Variants in NEDD9 observed in about 807,000 individuals in gnomAD.
NEDD9 encodes neural precursor cell expressed, developmentally down-regulated 9, also known as enhancer of filamentation 1.
A neutral mutation model predicts 76.6 loss-of-function variants in NEDD9; 26 were observed. The ratio of observed to expected loss-of-function variants is 0.34; its 90% CI spans 0.25 to 0.47. NEDD9 has a LOEUF of 0.47. Ranked by LOEUF, NEDD9 falls within the 20% of genes least tolerant of loss-of-function variation. The pLI, the probability that NEDD9 is intolerant of heterozygous loss-of-function variation, is 1.00. For missense variants in NEDD9, 937 were observed against 1,058.5 expected (o/e 0.89, Z 1.59); for synonymous variants, 392 against 414.2 (o/e 0.95, Z 0.65).
At chr6:11,318,161 C>A (rs1042229915) in intron 2 of NEDD9, among the ~76,000 whole-genome samples, 2 of 152,166 alleles carry the variant, frequency 1.3e-5, no homozygotes, top group African/African-American at 2.4e-5. Context: ...AGACAGGAAC[C>A]ACACCATCAG....
At chr6:11,256,481 G>T (rs75058232) in intron 3 of NEDD9, among the ~76,000 whole-genome samples, 6,667 of 152,232 alleles carry the variant, frequency 0.044, 520 homozygotes, top group African/African-American at 0.15. Flanking sequence ...GAATTTATTA[G>T]TATTTAATTT....
intron 1 of NEDD9, among the ~76,000 whole-genome samples, chr6:11,220,447 G>T (rs1473633714): frequency 6.6e-6 from 1 of 152,202 alleles, no homozygotes; most frequent in African/African-American, 2.4e-5. Flanking sequence ...TGAGAAATGT[G>T]ACATTAAATA....
chr6:11,229,670 C>T (rs1423365621), intron 1 of NEDD9, among the ~76,000 whole-genome samples: 1 of 152,114 alleles, frequency 6.6e-6, no homozygotes, highest in Non-Finnish European at 1.5e-5. Flanking sequence ...AATTTACTAT[C>T]ACATAACCAC....
chr6:11,236,747 A>G (rs149692446), upstream of NEDD9, among the ~76,000 whole-genome samples: 176 of 152,314 alleles, frequency 1.2e-3, 3 homozygotes, highest in African/African-American at 3.9e-3. The surrounding 1 kb of genome is among the most constrained non-coding windows in gnomAD (Gnocchi z 5.5). Context: ...GCTGTCATCT[A>G]TCTTCCACGT....
At chr6:11,363,324 AT>A (rs943735487) in intron 1 of NEDD9, among the ~76,000 whole-genome samples, 5 of 152,132 alleles carry the variant, frequency 3.3e-5, no homozygotes, top group African/African-American at 1.2e-4. Flanking sequence ...TCTTTGTCAG[AT>A]TTTTTTTAAG....
chr6:11,196,465 T>C (rs1758297239), intron 2 of NEDD9, among the ~76,000 whole-genome samples: 4 of 152,198 alleles, frequency 2.6e-5, no homozygotes, highest in Admixed American at 2.6e-4. Context: ...TCCTTGCCTT[T>C]GTGGATCTTC....
chr6:11,292,456 T>C (rs1760799508), intron 3 of NEDD9, among the ~76,000 whole-genome samples: 1 of 152,152 alleles, frequency 6.6e-6, no homozygotes, highest in African/African-American at 2.4e-5. Flanking sequence ...TTTTGTTTGG[T>C]TGAAATGAAA....
chr6:11,358,390 T>C (rs997167270), intron 1 of NEDD9, among the ~76,000 whole-genome samples: 1 of 152,006 alleles, frequency 6.6e-6, no homozygotes, highest in African/African-American at 2.4e-5. Flanking sequence ...TGCAAACTGG[T>C]CTGGAAGGCT....
chr6:11,374,634 G>A (rs995249933), intron 1 of NEDD9, among the ~76,000 whole-genome samples: 2 of 152,106 alleles, frequency 1.3e-5, no homozygotes, highest in African/African-American at 2.4e-5. Context: ...TATAGAAAAA[G>A]GTGAATATAA....
intron 3 of NEDD9, among the ~76,000 whole-genome samples, chr6:11,293,844 G>A (rs1418066373): frequency 6.6e-6 from 1 of 152,092 alleles, no homozygotes; most frequent in East Asian, 1.9e-4. Context: ...GCTTCTATGA[G>A]TCTGTCTTTT....
intron 1 of NEDD9, among the ~76,000 whole-genome samples, chr6:11,338,494 C>A (rs1446230843): frequency 6.6e-6 from 1 of 152,098 alleles, no homozygotes; most frequent in African/African-American, 2.4e-5. Flanking sequence ...TCTCAGGGAC[C>A]CTTAAGTGAA....
intron 3 of NEDD9, among the ~76,000 whole-genome samples, chr6:11,273,509 C>T (rs1212827048): frequency 2.6e-5 from 4 of 152,344 alleles, no homozygotes; most frequent in Admixed American, 6.5e-5. Flanking sequence ...TGCGAACGGC[C>T]GGGGACTGCG....
intron 1 of NEDD9, among the ~76,000 whole-genome samples, chr6:11,223,900 G>T (rs1369673651): frequency 6.6e-6 from 1 of 152,224 alleles, no homozygotes; most frequent in Non-Finnish European, 1.5e-5. Context: ...AAAGGCTGCT[G>T]TAAGGGAGAT....
At chr6:11,346,479 C>A (rs957996426) in intron 1 of NEDD9, among the ~76,000 whole-genome samples, 4 of 142,374 alleles carry the variant, frequency 2.8e-5, no homozygotes, top group Non-Finnish European at 6.1e-5. Flanking sequence ...GCTCGGAGGC[C>A]CCCCCCCCCG....
At chr6:11,192,524 T>A in intron 3 of NEDD9, 78 bp from the exon 4 acceptor site, 1 of 983,052 alleles carries the variant, frequency 1.0e-6, no homozygotes, top group Non-Finnish European at 1.5e-6. Context: ...AGCACTTAAT[T>A]ATGGATTTAT....
intron 1 of NEDD9, among the ~76,000 whole-genome samples, chr6:11,227,331 AGCTTGCATTGTCT>A (rs1759335785): frequency 6.6e-6 from 1 of 152,218 alleles, no homozygotes; most frequent in Admixed American, 6.5e-5. Context: ...AGCTGGAGCC[AGCTTGCATTGTCT>A]GCTTACTATA....
At chr6:11,284,341 G>A (rs1760599955) in intron 3 of NEDD9, among the ~76,000 whole-genome samples, 2 of 149,992 alleles carry the variant, frequency 1.3e-5, no homozygotes. Context: ...AGATCACGAG[G>A]TCAGGAGATC....
At position 11,310,608 on chromosome 6, in the gene NEDD9, C is replaced by T. The variant is rs117715600; in HGVS notation, c.-152-4453G>A. Among the ~76,000 whole-genome samples the T allele has an allele frequency of 6.2e-4, 94 of 152,324 alleles. No homozygotes were observed. The East Asian group carries it at 0.018, about 29-fold the overall frequency. On this transcript the variant is annotated intron_variant, in intron 2 of 3. Coordinates refer to the NEDD9 transcript ENST00000397378. The stretch of plus-strand genomic sequence containing the variant: ...CTGGCCAGCTCACCCTCCTCTTCTC[C>T]TATTTTTCTAATTAAAATGAGAGTA...
chr6:11,311,299 C>T (rs951888581), intron 2 of NEDD9, among the ~76,000 whole-genome samples: 3 of 152,216 alleles, frequency 2.0e-5, no homozygotes, highest in African/African-American at 4.8e-5. Flanking sequence ...GTGGGCCCCT[C>T]ATCCAACTGG....
Sources: allele counts gnomAD v4.1 joint callset (sites outside exome capture counted in the v4.1 genomes callset), GRCh38; gene constraint gnomAD v4.1.1; non-coding constraint Gnocchi (gnomAD v3.1); transcripts MANE v1.5; gene names NCBI Gene and HGNC (gene_info 2026-07-23, HGNC 2026-07-21).